The following MZT2B variants were observed in gnomAD, a reference collection of about 807,000 sequenced individuals.
MZT2B encodes mitotic spindle organizing protein 2B.
MZT2B carries 11 observed loss-of-function variants against 12.1 expected under a neutral mutation model. The observed-to-expected ratio is 0.91, with a 90% CI of 0.57 to 1.50. MZT2B has a LOEUF of 1.50. Among genes scored for constraint, MZT2B ranks in the 40% most tolerant of loss-of-function variants. MZT2B has a pLI of 0.00. For synonymous variants in MZT2B, 85 were observed against 109.5 expected (o/e 0.78, Z 1.40); for missense variants, 209 against 227.7 (o/e 0.92, Z 0.53).
At chr2:130,187,070 AAAAG>A (rs1369303814) in intron 2 of MZT2B, among the ~76,000 whole-genome samples, 1 of 151,132 alleles carries the variant, frequency 6.6e-6, no homozygotes, top group African/African-American at 2.4e-5. Flanking sequence ...AGAAACAAGA[AAAAG>A]AACAGAGGTG....
chr2:130,203,501 A>G, the MZT2B span, among the ~76,000 whole-genome samples: 1 of 151,938 alleles, frequency 6.6e-6, no homozygotes, highest in Non-Finnish European at 1.5e-5. Context: ...CAGTGCAGCA[A>G]GTGGTAAGGT....
chr2:130,182,160 G>GCTCCCGCCC (rs1190504763), upstream of MZT2B: 5 of 1,261,288 alleles, frequency 4.0e-6, no homozygotes, highest in Non-Finnish European at 3.0e-6. Flanking sequence ...CCGTCCCCGC[G>GCTCCCGCCC]CTCCCGCCCC....
the MZT2B span, among the ~76,000 whole-genome samples, chr2:130,200,874 G>A: frequency 1.8e-3 from 277 of 152,358 alleles, 2 homozygotes; most frequent in Middle Eastern, 6.8e-3. Flanking sequence ...CTACAGGTGT[G>A]TGATTCTTCC....
downstream of MZT2B, chr2:130,194,465 G>A (rs13000721): frequency 0.34 from 419,461 of 1,250,560 alleles, 95,375 homozygotes; most frequent in East Asian, 0.41. Flanking sequence ...GCACAGATCC[G>A]CCTGAGAGAA....
At chr2:130,187,773 A>G (rs908636432) in intron 2 of MZT2B, among the ~76,000 whole-genome samples, 2 of 152,262 alleles carry the variant, frequency 1.3e-5, no homozygotes, top group East Asian at 1.9e-4. Flanking sequence ...CTCCCCACTA[A>G]CCCTGAGAGC....
chr2:130,199,144 AGTT>A, the MZT2B span, among the ~76,000 whole-genome samples: 3 of 121,288 alleles, frequency 2.5e-5, 1 homozygote, highest in Non-Finnish European at 3.6e-5. Context: ...ACTGGGAGGC[AGTT>A]GTTGCAGTGA....
At chr2:130,202,102 C>A in the MZT2B span, among the ~76,000 whole-genome samples, 1 of 152,028 alleles carries the variant, frequency 6.6e-6, no homozygotes, top group Non-Finnish European at 1.5e-5. Flanking sequence ...CTTGGACATG[C>A]CCATTTTTAC....
chr2:130,186,169 G>A (rs975259062), intron 2 of MZT2B, among the ~76,000 whole-genome samples: 1 of 152,020 alleles, frequency 6.6e-6, no homozygotes, highest in African/African-American at 2.4e-5. Flanking sequence ...TCCGGCTGGG[G>A]GGCATGGAGG....
chr2:130,199,203 G>T, the MZT2B span, among the ~76,000 whole-genome samples: 1 of 119,970 alleles, frequency 8.3e-6, no homozygotes, highest in East Asian at 2.7e-4. Context: ...AACAGAGCCA[G>T]ACTCTGTCTC....
At chr2:130,182,841 G>A in intron 2 of MZT2B, 66 bp downstream of exon 2, 2 of 1,424,578 alleles carry the variant, frequency 1.4e-6, no homozygotes, top group South Asian at 1.4e-5. Flanking sequence ...GGGCAGGCGC[G>A]GCACAGCGGC....
Position 130,183,382 on chromosome 2 carries a change from C to T in MZT2B, c.319+607C>T, listed in dbSNP as rs186599352. On this transcript the variant is annotated intron_variant, in intron 2 of 2. Transcript: ENST00000281871. ...ATGACTGCAGGAAGAGAGTCAGACG[C>T]GGAACTCCCAGGGTGCAGAGGCCTG... 11 of 337,334 alleles carry T rather than the reference C, an allele frequency of 3.3e-5. No individual in the cohort carries two copies. In the Admixed American group the frequency reaches 4.1e-4, roughly 13 times the overall value. The allele number at this position is 337,334 out of a possible 1,614,324, so 20.9% of individuals were successfully genotyped here. A position where few individuals can be genotyped will look rare whatever the true frequency, so the allele number is the denominator to read the frequency against.
At chr2:130,190,755 T>TTG (rs1663225219), downstream of MZT2B, 11 of 1,066,846 alleles carry the variant, frequency 1.0e-5, no homozygotes, top group South Asian at 2.4e-5. Context: ...TTTTTTTTTG[T>TTG]TTTTTTTTTT....
chr2:130,186,299 A>G (rs1000711336), intron 2 of MZT2B, among the ~76,000 whole-genome samples: 2 of 152,124 alleles, frequency 1.3e-5, no homozygotes, highest in African/African-American at 4.8e-5. Context: ...TCCCCCAGCC[A>G]TCCAGACAGC....
At chr2:130,190,071 G>A (rs963455018) in intron 2 of MZT2B, among the ~76,000 whole-genome samples, 10 of 152,202 alleles carry the variant, frequency 6.6e-5, no homozygotes, top group African/African-American at 2.4e-4. Context: ...CCTTGAGGAT[G>A]AGGCAGCGCA....
At chr2:130,183,078 G>A in intron 2 of MZT2B, 1 of 530,152 alleles carries the variant, frequency 1.9e-6, no homozygotes, top group Non-Finnish European at 3.3e-6. Flanking sequence ...CGGGAATCAA[G>A]ACAGTTTGGG....
chr2:130,181,706 G>C (rs557873280), upstream of MZT2B: 26 of 1,548,512 alleles, frequency 1.7e-5, no homozygotes, highest in East Asian at 6.1e-4. Context: ...GGCCGGCCGG[G>C]CGGGGAAGAG....
At chr2:130,182,242 G>A, upstream of MZT2B, 1 of 1,236,550 alleles carries the variant, frequency 8.1e-7, no homozygotes, top group African/African-American at 1.6e-5. Context: ...GCCGCTAGGG[G>A]GCGCGGCGGG....
intron 2 of MZT2B, among the ~76,000 whole-genome samples, chr2:130,187,323 G>A (rs1416211791): frequency 6.6e-6 from 1 of 152,092 alleles, no homozygotes; most frequent in Non-Finnish European, 1.5e-5. Context: ...GAGTAGCTGG[G>A]ACTACAGGTG....
At chr2:130,194,946 G>C, downstream of MZT2B, 12 of 1,500,076 alleles carry the variant, frequency 8.0e-6, no homozygotes, top group Non-Finnish European at 1.1e-5. Flanking sequence ...TCAAAGTGCT[G>C]GGATTACACG....
Sources: gnomAD v4.1 joint callset for allele counts (sites outside exome capture counted in the v4.1 genomes callset) on GRCh38, gnomAD v4.1.1 for gene constraint, MANE v1.5 for transcripts, NCBI Gene and HGNC (gene_info 2026-07-23, HGNC 2026-07-21) for gene names.